The following ZNF473 variants were observed in gnomAD, a reference collection of about 807,000 sequenced individuals.
The protein encoded by ZNF473 is zinc finger protein 473, also known as zinc finger protein 100 homolog.
In ZNF473, 4 loss-of-function variants were observed where a neutral mutation model predicts 11.1. That is an observed-to-expected ratio of 0.36 (90% CI 0.18 to 0.82). The LOEUF (loss-of-function observed/expected upper bound fraction) is 0.82. Ranked by LOEUF, ZNF473 falls within the 40% of genes least tolerant of loss-of-function variation. The pLI is 0.49. For missense variants in ZNF473, 854 were observed against 1,084.0 expected (o/e 0.79, Z 2.98); for synonymous variants, 404 against 390.4 (o/e 1.03, Z -0.41).
intron 1 of ZNF473, among the ~76,000 whole-genome samples, chr19:50,026,893 G>A (rs960393986): frequency 6.6e-5 from 10 of 152,308 alleles, no homozygotes; most frequent in African/African-American, 2.4e-4. Context: ...GGTTGGGGAA[G>A]GAGGGGAATG....
Position 50,046,232 on chromosome 19 carries a change from G to A in ZNF473, c.1789G>A (p.Gly597Arg). 6.2e-7 allele frequency: 1 copy of A among 1,614,146 alleles called. No homozygotes were observed. The highest frequency in any genetic ancestry group is 8.5e-7 in the Non-Finnish European group (1 of 1,180,042). The part of the protein sequence containing the change: ...GVKPFECDQC[G>R]KAFGQSTRLI... ...GAAGCCCTTTGAATGTGACCAGTGT[G>A]GGAAAGCCTTTGGCCAAAGTACTCG... The change falls in exon 5 of 5, where the codon GGG becomes AGG. Residue 597 changes from glycine to arginine, a missense_variant. Physicochemically the swap from Gly to Arg is moderately radical, Grantham distance 125 (BLOSUM62 -2). This residue lies in a region of ZNF473 where 668 missense variants were observed against 790.2 expected (regional missense o/e 0.85). Transcript: ENST00000270617. The surrounding 1 kb of genome is among the most constrained non-coding windows in gnomAD (Gnocchi z 5.9).
At chr19:50,042,091 C>G in intron 4 of ZNF473, 1 of 273,202 alleles carries the variant, frequency 3.7e-6, no homozygotes. Context: ...TCCTTCCAGA[C>G]TCAACAAGGG....
chr19:50,034,532 C>T (rs1013107374), intron 2 of ZNF473, among the ~76,000 whole-genome samples: 3 of 152,142 alleles, frequency 2.0e-5, no homozygotes, highest in East Asian at 1.9e-4. Flanking sequence ...AGAAGTCCTT[C>T]GTGGGCTCTG....
rs1979180523 is a variant in ZNF473, at chr19:50,047,056, G to A, written c.2613G>A (p.Leu871=). The change falls in exon 5 of 5, where the codon CTG becomes CTA. Residue 871 remains leucine, a synonymous_variant. Coordinates refer to ENST00000270617, the MANE Select transcript of ZNF473 (RefSeq NM_015428.4). ...TACACAACAAGCAGCAATACTGCCT[G>A]TAGCCATTGGGTGGCAGCAGAGTCC... ...QRVHNKQQYC[L] is the part of the protein sequence containing the mutation. 4.4e-6 allele frequency: 7 copies of A among 1,602,100 alleles called. No homozygotes were observed. The highest frequency in any genetic ancestry group is 6.0e-6 in the Non-Finnish European group (7 of 1,171,028).
At chr19:50,028,546 C>T (rs550817064) in intron 1 of ZNF473, among the ~76,000 whole-genome samples, 2 of 151,630 alleles carry the variant, frequency 1.3e-5, no homozygotes, top group African/African-American at 2.4e-5. Flanking sequence ...GGTCTTGTTA[C>T]GTTGCCCAGG....
At chr19:50,036,183 C>T (rs1978425824) in intron 2 of ZNF473, among the ~76,000 whole-genome samples, 1 of 151,964 alleles carries the variant, frequency 6.6e-6, no homozygotes. Flanking sequence ...TCATCTCAAA[C>T]TCCTGAGCTC....
chr19:50,031,179 G>C (rs79907875), intron 2 of ZNF473, 88 bp downstream of exon 2: 1 of 1,523,318 alleles, frequency 6.6e-7, no homozygotes, highest in Non-Finnish European at 8.9e-7. Context: ...GTTGAAGGTC[G>C]CTCTGTGTTG....
In ZNF473 at chr19:50,036,318, T is replaced by TG. The variant is rs1333221426; in HGVS notation, c.10-2843_10-2842insG. On this transcript the variant is annotated intron_variant, in intron 2 of 4. Transcript: ENST00000270617. ...AGCTGTATTAAGAGGTGGGGCCTTT[T>TG]TTTTTTTTTTTTTGAGATGGAGTCT... Among the ~76,000 whole-genome samples the TG allele has an allele frequency of 1.1e-4, 16 of 143,868 alleles. No homozygotes were observed. The South Asian group carries it at 3.2e-3, about 28-fold the overall frequency. 94.4% of individuals were successfully genotyped at this position (143,868 alleles called of 152,430 possible). A position where few individuals can be genotyped will look rare whatever the true frequency, so the allele number is the denominator to read the frequency against.
At chr19:50,028,040 T>C (rs987632973) in intron 1 of ZNF473, among the ~76,000 whole-genome samples, 16 of 151,914 alleles carry the variant, frequency 1.1e-4, no homozygotes, top group Non-Finnish European at 2.2e-4. Flanking sequence ...GGCTCATGCC[T>C]GTAATCCCAG....
chr19:50,029,336 C>T (rs1378849775), intron 1 of ZNF473, among the ~76,000 whole-genome samples: 13 of 152,132 alleles, frequency 8.5e-5, no homozygotes, highest in East Asian at 1.9e-4. Context: ...TTAGTAGAGA[C>T]GGGGTTTCAC....
rs1979008235 is a variant in ZNF473 at position 50,045,184 on chromosome 19, C to T, written c.741C>T (p.Asp247=). 6.2e-7 allele frequency: 1 copy of T among 1,614,088 alleles called. No homozygotes were observed. Among genetic ancestry groups the T allele is most frequent in the African/African-American group, 1.3e-5 (1 of 74,918 alleles). The change falls in exon 5 of 5, where the codon GAC becomes GAT. Residue 247 remains aspartate (D), a synonymous_variant. Coordinates refer to ENST00000270617, the MANE Select transcript of ZNF473 (RefSeq NM_015428.4). ...TVHQECEQGF[D]RNASLSVYPK... is the part of the protein sequence containing the mutation. ...ATCAAGAGTGTGAGCAAGGTTTTGA[C>T]CGGAATGCTTCCCTTTCTGTGTATC...
In ZNF473 at chr19:50,046,332, G is replaced by A; in HGVS notation, c.1889G>A (p.Ser630Asn). The A allele has an allele frequency of 6.2e-7, 1 of 1,614,184 alleles. No individual in the cohort carries two copies. The highest frequency in any genetic ancestry group is 8.5e-7 in the Non-Finnish European group (1 of 1,180,034). Residue 630 changes from serine to asparagine, a missense_variant, in exon 5 of 5, where the codon AGT becomes AAT. Ser to Asn is a conservative substitution (Grantham distance 46). Transcript: ENST00000270617. The surrounding 1 kb of genome is among the most constrained non-coding windows in gnomAD (Gnocchi z 5.9). ...KWGEQGKAIS[S>N]ASLIKLQSFH... ...GGTGAGCAAGGGAAAGCCATCAGCA[G>A]TGCCTCCCTTATCAAACTTCAGTCC...
intron 1 of ZNF473, among the ~76,000 whole-genome samples, chr19:50,029,773 T>C (rs548440695): frequency 6.6e-6 from 1 of 152,240 alleles, no homozygotes; most frequent in Non-Finnish European, 1.5e-5. Flanking sequence ...AACATCCCAG[T>C]GCATCTTACA....
chr19:50,036,375 G>T (rs1476613782), intron 2 of ZNF473, among the ~76,000 whole-genome samples: 1 of 138,520 alleles, frequency 7.2e-6, no homozygotes, highest in Non-Finnish European at 1.5e-5. Flanking sequence ...GTGCAGTGGC[G>T]CAATCCTGGC....
intron 2 of ZNF473, among the ~76,000 whole-genome samples, chr19:50,038,374 AC>A (rs1978585980): frequency 6.6e-6 from 1 of 151,976 alleles, no homozygotes; most frequent in Non-Finnish European, 1.5e-5. Context: ...CGGACCTGGT[AC>A]CTAAAGCGGA....
At chr19:50,028,027 G>A (rs1274171965) in intron 1 of ZNF473, among the ~76,000 whole-genome samples, 2 of 151,884 alleles carry the variant, frequency 1.3e-5, no homozygotes, top group African/African-American at 4.8e-5. Flanking sequence ...GGCCGGGTGT[G>A]GTGGCTCATG....
At position 50,031,081 on chromosome 19, in the gene ZNF473, C is replaced by T; in HGVS notation, c.-2C>T. The T allele has an allele frequency of 6.4e-7, 1 of 1,567,642 alleles. No homozygotes were observed. The highest frequency in any genetic ancestry group is 1.2e-5 in the South Asian group (1 of 85,198). On this transcript the variant is annotated 5_prime_UTR_variant, in exon 2 of 5. Transcript: ENST00000270617. ...AAAGAGGCTACTGAACCCCAGTTGGCCATGGCTGAGGTGAGTTGAAGGTCG... is the reference window on the plus strand; with the variant it reads ...AAAGAGGCTACTGAACCCCAGTTGGTCATGGCTGAGGTGAGTTGAAGGTCG...
chr19:50,036,705 T>C (rs1345721791), intron 2 of ZNF473, among the ~76,000 whole-genome samples: 2 of 152,048 alleles, frequency 1.3e-5, no homozygotes, highest in Non-Finnish European at 2.9e-5. Flanking sequence ...AATAATGGGT[T>C]ATCATGAGAG....
At chr19:50,030,308 GAAC>G (rs2077311193) in intron 1 of ZNF473, among the ~76,000 whole-genome samples, 1 of 152,212 alleles carries the variant, frequency 6.6e-6, no homozygotes, top group Non-Finnish European at 1.5e-5. Context: ...AGGAGTTTGA[GAAC>G]AACTTGGGCA....
Sources: allele counts gnomAD v4.1 joint callset (sites outside exome capture counted in the v4.1 genomes callset), GRCh38; gene constraint gnomAD v4.1.1; regional missense constraint gnomAD v4.1.1; non-coding constraint Gnocchi (gnomAD v3.1); transcripts MANE v1.5; gene names NCBI Gene and HGNC (gene_info 2026-07-23, HGNC 2026-07-21).